TMTC2: variants seen among roughly 807,000 people sequenced by gnomAD.
TMTC2 encodes protein O-mannosyl-transferase TMTC2.
A neutral mutation model predicts 82.4 loss-of-function variants in TMTC2; 43 were observed. The observed-to-expected ratio is 0.52, with a 90% CI of 0.41 to 0.67. The LOEUF (loss-of-function observed/expected upper bound fraction) is 0.67, where lower values mean the gene tolerates loss of function less well. TMTC2 is among the 30% of genes least tolerant of loss of function. TMTC2 has a pLI of 0.00. For synonymous variants in TMTC2, 408 were observed against 381.9 expected (o/e 1.07, Z -0.80); for missense variants, 919 against 1,012.4 (o/e 0.91, Z 1.25).
At position 82,743,987 on chromosome 12, in the gene TMTC2, G is replaced by A. The variant is rs370117832; in HGVS notation, c.83+56318G>A. Among the ~76,000 whole-genome samples the A allele has an allele frequency of 3.3e-4, 50 of 152,254 alleles. 1 individual carries two copies. The highest frequency in any genetic ancestry group is 2.1e-3 in the East Asian group (11 of 5,176). Reference sequence around the variant, plus strand: ...GGTACAGGTTTTGGTCAGAAAGGAGGGGGGTGCTGGGCATGGTTGCTCGCA... The same window carrying A: ...GGTACAGGTTTTGGTCAGAAAGGAGAGGGGTGCTGGGCATGGTTGCTCGCA... On this transcript the variant is annotated intron_variant, in intron 1 of 11. Transcript: ENST00000321196.
At chr12:82,935,141 G>A (rs1164799660) in intron 4 of TMTC2, among the ~76,000 whole-genome samples, 2 of 152,048 alleles carry the variant, frequency 1.3e-5, no homozygotes, top group Non-Finnish European at 2.9e-5. Context: ...AAATATCATT[G>A]GGTTTGCATA....
intron 1 of TMTC2, among the ~76,000 whole-genome samples, chr12:82,808,236 A>T (rs893257000): frequency 6.6e-6 from 1 of 151,900 alleles, no homozygotes; most frequent in Admixed American, 6.6e-5. Flanking sequence ...AACAACATGA[A>T]TTTTTTTAAA....
chr12:82,729,751 C>G (rs943740074), intron 1 of TMTC2, among the ~76,000 whole-genome samples: 2 of 152,204 alleles, frequency 1.3e-5, no homozygotes, highest in Non-Finnish European at 2.9e-5. Context: ...TGGCAACCCG[C>G]AGGGGCCGTT....
At chr12:82,936,707 A>C (rs1210434053) in intron 4 of TMTC2, among the ~76,000 whole-genome samples, 1 of 152,138 alleles carries the variant, frequency 6.6e-6, no homozygotes, top group Non-Finnish European at 1.5e-5. Flanking sequence ...CTTATAAATA[A>C]ACTAGGAATA....
chr12:82,687,503 G>A lies in TMTC2; in HGVS notation c.-84G>A. 5.3e-6 allele frequency: 7 copies of A among 1,327,046 alleles called. No individual in the cohort carries two copies. The highest frequency in any genetic ancestry group is 2.5e-5 in the East Asian group (1 of 40,740). The allele number at this position is 1,327,046 out of a possible 1,614,324, so 82.2% of individuals were successfully genotyped here. A position where few individuals can be genotyped will look rare whatever the true frequency, so the allele number is the denominator to read the frequency against. ...GTGAAGCTGGGAGGAGAAGGCGGCG[G>A]AAGGTGGAGATTGATGCTTCTGTTT... On this transcript the variant is annotated 5_prime_UTR_variant, in exon 1 of 12. Transcript: ENST00000321196.
At chr12:82,707,980 C>A (rs550769465) in intron 1 of TMTC2, among the ~76,000 whole-genome samples, 1 of 152,146 alleles carries the variant, frequency 6.6e-6, no homozygotes, top group African/African-American at 2.4e-5. Context: ...CGTGCACAAG[C>A]ATGTGTTTGT....
rs1457442940 is a variant in TMTC2 at position 82,896,112 on chromosome 12, T to C, written c.949T>C (p.Tyr317His). Residue 317 changes from tyrosine to histidine, a missense_variant, in exon 3 of 12, where the codon TAT becomes CAT. Coordinates refer to ENST00000321196, the MANE Select transcript of TMTC2 (RefSeq NM_152588.3). ...DWRNLHTVAFYTGLLLLAYYG... is the reference protein window; with the variant it reads ...DWRNLHTVAFHTGLLLLAYYG... ...GAGAAACCTACACACTGTGGCCTTC[T>C]ATACTGGACTCCTTCTCCTTGCCTA... is the stretch of plus-strand genomic sequence containing the variant. 6.2e-7 allele frequency: 1 copy of C among 1,614,038 alleles called. No individual in the cohort carries two copies. Among genetic ancestry groups the C allele is most frequent in the Non-Finnish European group, 8.5e-7 (1 of 1,180,004 alleles).
chr12:83,000,373 A>G (rs1466276116), intron 8 of TMTC2, among the ~76,000 whole-genome samples: 1 of 152,138 alleles, frequency 6.6e-6, no homozygotes, highest in Non-Finnish European at 1.5e-5. Flanking sequence ...TGAGCCCATG[A>G]TCCGCCCTCC....
At chr12:83,059,597 A>G (rs867573420) in intron 10 of TMTC2, among the ~76,000 whole-genome samples, 2 of 151,780 alleles carry the variant, frequency 1.3e-5, no homozygotes, top group Non-Finnish European at 2.9e-5. Context: ...AATTTCATCA[A>G]TTCTACTTCT....
At chr12:82,810,747 G>A (rs73157494) in intron 1 of TMTC2, among the ~76,000 whole-genome samples, 4,029 of 152,166 alleles carry the variant, frequency 0.026, 116 homozygotes, top group Non-Finnish European at 0.04. Context: ...TCATGGGGCT[G>A]TTTCCCTCAT....
chr12:82,802,203 G>A (rs1394487951), intron 1 of TMTC2, among the ~76,000 whole-genome samples: 1 of 152,180 alleles, frequency 6.6e-6, no homozygotes, highest in African/African-American at 2.4e-5. Context: ...ATCAAGAACA[G>A]CAGCTGCTGG....
chr12:83,053,419 G>C (rs1241822192), intron 10 of TMTC2, among the ~76,000 whole-genome samples: 1 of 151,978 alleles, frequency 6.6e-6, no homozygotes, highest in East Asian at 1.9e-4. Flanking sequence ...GAAAGTTATA[G>C]TTCAAGAAAA....
intron 2 of TMTC2, among the ~76,000 whole-genome samples, chr12:82,894,318 A>G (rs1873547226): frequency 6.6e-6 from 1 of 152,274 alleles, no homozygotes; most frequent in South Asian, 2.1e-4. Flanking sequence ...AGTGGAAAAG[A>G]GCATTCATAA....
intron 11 of TMTC2, among the ~76,000 whole-genome samples, chr12:83,123,674 A>G (rs1467651450): frequency 1.3e-5 from 2 of 152,172 alleles, no homozygotes; most frequent in Admixed American, 1.3e-4. Flanking sequence ...TTAATCCCCA[A>G]ATTAATTGAA....
At chr12:82,720,760 C>T (rs1316906469) in intron 1 of TMTC2, among the ~76,000 whole-genome samples, 1 of 152,182 alleles carries the variant, frequency 6.6e-6, no homozygotes, top group Non-Finnish European at 1.5e-5. Context: ...GTATGAAATG[C>T]TATCTCGTTG....
chr12:83,055,707 T>G (rs200742826), intron 10 of TMTC2, among the ~76,000 whole-genome samples: 4 of 57,066 alleles, frequency 7.0e-5, no homozygotes, highest in Non-Finnish European at 1.2e-4. Context: ...GTGGAAGGGG[T>G]GTGTGTGTGT....
chr12:82,722,085 G>T (rs1317083616), intron 1 of TMTC2, among the ~76,000 whole-genome samples: 1 of 152,038 alleles, frequency 6.6e-6, no homozygotes, highest in African/African-American at 2.4e-5. Context: ...TTTGTAAATT[G>T]TTCACCAGCT....
intron 1 of TMTC2, among the ~76,000 whole-genome samples, chr12:82,853,554 C>T (rs987076877): frequency 1.3e-5 from 2 of 152,140 alleles, no homozygotes; most frequent in South Asian, 4.1e-4. Context: ...ATTCCAGCAG[C>T]TTTGAACAGA....
rs1251642858 is a variant in TMTC2 at position 83,133,564 on chromosome 12, GTCT to G, written c.*1179_*1181del. ...GTAGCATTAGCCTGCATGTTTCTAGGTCTTCTGCCAAGTGCTTTTCTCAGTTGA... is the reference window on the plus strand; with the variant it reads ...GTAGCATTAGCCTGCATGTTTCTAGGTCTGCCAAGTGCTTTTCTCAGTTGA... On this transcript the variant is annotated 3_prime_UTR_variant, in exon 12 of 12. Coordinates refer to ENST00000321196, the MANE Select transcript of TMTC2 (RefSeq NM_152588.3). 3.3e-5 allele frequency: 5 copies of G among 152,148 alleles called. No homozygotes were observed. The highest frequency in any genetic ancestry group is 7.4e-5 in the Non-Finnish European group (5 of 68,026). The allele number at this position is 152,148 out of a possible 1,614,324, so 9.4% of individuals were successfully genotyped here. A position where few individuals can be genotyped will look rare whatever the true frequency, so the allele number is the denominator to read the frequency against.
Sources: gnomAD v4.1 joint callset for allele counts (sites outside exome capture counted in the v4.1 genomes callset) on GRCh38, gnomAD v4.1.1 for gene constraint, MANE v1.5 for transcripts, NCBI Gene and HGNC (gene_info 2026-07-23, HGNC 2026-07-21) for gene names.